ZCWPW2: variants seen among roughly 807,000 people sequenced by gnomAD.
ZCWPW2 encodes the protein zinc finger CW-type PWWP domain protein 2.
In ZCWPW2, 45 loss-of-function variants were observed where a neutral mutation model predicts 46.6. That is an observed-to-expected ratio of 0.96 (90% confidence interval 0.76 to 1.24). ZCWPW2 has a LOEUF of 1.24. ZCWPW2 is among the 50% of genes most tolerant of loss of function. ZCWPW2 has a pLI of 0.00. For missense variants in ZCWPW2, 429 were observed against 403.9 expected (o/e 1.06, Z -0.53); for synonymous variants, 152 against 137.1 (o/e 1.11, Z -0.76).
rs745774628 is a variant in ZCWPW2, at chr3:28,524,501, C to T, written c.910-26C>T. On this transcript the variant is annotated intron_variant, in intron 9 of 9. Coordinates refer to ENST00000383768, the MANE Select transcript of ZCWPW2 (RefSeq NM_001040432.4). The stretch of plus-strand genomic sequence containing the variant: ...TAATCAGGTAAATTTGACATAGTTC[C>T]GATTAATTATATGGTTGTTTTGCAG... The T allele has an allele frequency of 3.4e-5, 54 of 1,593,236 alleles. No homozygotes were observed. The Middle Eastern group carries it at 1.3e-3, about 39-fold the overall frequency.
intron 4 of ZCWPW2, among the ~76,000 whole-genome samples, chr3:28,457,899 T>C (rs1162068739): frequency 6.6e-5 from 10 of 152,230 alleles, no homozygotes; most frequent in Non-Finnish European, 1.3e-4. Flanking sequence ...AAATTTACCA[T>C]CTTAATCATT....
chr3:28,497,325 C>G (rs1175952206), intron 6 of ZCWPW2, among the ~76,000 whole-genome samples: 1 of 151,194 alleles, frequency 6.6e-6, no homozygotes, highest in East Asian at 2.0e-4. Flanking sequence ...ATATGTTACT[C>G]TATAGATTTA....
At position 28,369,257 on chromosome 3, in the gene ZCWPW2, T is replaced by G. The variant is rs953443253; in HGVS notation, c.-134+20054T>G. ...ACTTGATTTTTAGAGTTTCCGGTTTTTCTGCTGTTTTTTCCCCATCTTTGT... is the reference window on the plus strand; with the variant it reads ...ACTTGATTTTTAGAGTTTCCGGTTTGTCTGCTGTTTTTTCCCCATCTTTGT... On this transcript the variant is annotated intron_variant, in intron 1 of 9. Transcript: ENST00000383768. 3.3e-5 allele frequency among the ~76,000 whole-genome samples: 5 copies of G among 152,314 alleles called. No homozygotes were observed. The East Asian group carries it at 9.7e-4, about 29-fold the overall frequency.
At chr3:28,359,673 C>T (rs34617710) in intron 1 of ZCWPW2, among the ~76,000 whole-genome samples, 73,321 of 151,606 alleles carry the variant, frequency 0.48, 18,233 homozygotes, top group Non-Finnish European at 0.53. Flanking sequence ...TTATTCATTG[C>T]TTTTTAGGAG....
intron 3 of ZCWPW2, among the ~76,000 whole-genome samples, chr3:28,425,587 TG>T (rs1696974492): frequency 6.6e-6 from 1 of 152,222 alleles, no homozygotes; most frequent in Non-Finnish European, 1.5e-5. Context: ...AACTCAATCT[TG>T]TCAACATTTC....
At chr3:28,413,898 T>C (rs1696516734) in intron 3 of ZCWPW2, among the ~76,000 whole-genome samples, 1 of 152,132 alleles carries the variant, frequency 6.6e-6, no homozygotes, top group Non-Finnish European at 1.5e-5. Flanking sequence ...TCACAGTCAT[T>C]TGAAAAGCAT....
At chr3:28,514,420 T>G (rs767073413) in intron 7 of ZCWPW2, among the ~76,000 whole-genome samples, 2 of 151,954 alleles carry the variant, frequency 1.3e-5, no homozygotes, top group Non-Finnish European at 2.9e-5. Context: ...AGAAAAAATA[T>G]CAAATGCCAG....
chr3:28,489,149 A>G (rs990807508), intron 5 of ZCWPW2, among the ~76,000 whole-genome samples: 1 of 152,136 alleles, frequency 6.6e-6, no homozygotes, highest in Non-Finnish European at 1.5e-5. Flanking sequence ...AATGAGGTAT[A>G]TTTTGACAGG....
intron 3 of ZCWPW2, among the ~76,000 whole-genome samples, chr3:28,425,713 A>G (rs923005137): frequency 1.3e-5 from 2 of 152,248 alleles, no homozygotes; most frequent in Admixed American, 6.5e-5. Context: ...TGTCAAGAGA[A>G]TAGCACTTTC....
chr3:28,358,506 T>C (rs1269911084), intron 1 of ZCWPW2, among the ~76,000 whole-genome samples: 1 of 152,170 alleles, frequency 6.6e-6, no homozygotes, highest in Non-Finnish European at 1.5e-5. Context: ...CTAACATCAG[T>C]TTGAAAATTA....
intron 5 of ZCWPW2, among the ~76,000 whole-genome samples, chr3:28,483,666 G>C (rs1269534786): frequency 6.6e-6 from 1 of 152,050 alleles, no homozygotes; most frequent in African/African-American, 2.4e-5. Flanking sequence ...TATTTTATCA[G>C]AGTTTGGTAG....
chr3:28,461,166 T>A (rs6800367), intron 4 of ZCWPW2: 4,041 of 160,592 alleles, frequency 0.025, 157 homozygotes, highest in African/African-American at 0.085. Context: ...AAATTGAAGG[T>A]GCTTATATTT....
intron 6 of ZCWPW2, among the ~76,000 whole-genome samples, chr3:28,493,239 G>A (rs1401969751): frequency 7.9e-5 from 11 of 139,276 alleles, no homozygotes; most frequent in Admixed American, 5.9e-4. Flanking sequence ...ATGCTGGTGC[G>A]CTGCAGCCAC....
intron 1 of ZCWPW2, among the ~76,000 whole-genome samples, chr3:28,353,183 C>CAA (rs773765883): frequency 7.7e-6 from 1 of 130,142 alleles, no homozygotes; most frequent in Non-Finnish European, 1.7e-5. Context: ...GACTCCGTCT[C>CAA]AAAAAAAAAA....
rs1700836819 is a variant in ZCWPW2 at position 28,526,000 on chromosome 3, T to C, written c.*1312T>C. ...CATCTCTGTCAGGTTCCAGATCCCA[T>C]GCCATTGATTATCATCTATAATGTC... On this transcript the variant is annotated 3_prime_UTR_variant, in exon 10 of 10. Transcript: ENST00000383768. 6.6e-6 allele frequency among the ~76,000 whole-genome samples: 1 copy of C among 152,132 alleles called. No homozygotes were observed. Among genetic ancestry groups the C allele is most frequent in the Non-Finnish European group, 1.5e-5 (1 of 68,020 alleles).
At chr3:28,370,934 G>A (rs1319712171) in intron 1 of ZCWPW2, among the ~76,000 whole-genome samples, 1 of 152,040 alleles carries the variant, frequency 6.6e-6, no homozygotes, top group African/African-American at 2.4e-5. Context: ...GTTTCTCCAT[G>A]TTGGTCAGGA....
chr3:28,521,813 A>T (rs1700731462), intron 9 of ZCWPW2, among the ~76,000 whole-genome samples: 1 of 152,174 alleles, frequency 6.6e-6, no homozygotes, highest in Non-Finnish European at 1.5e-5. Context: ...TAGGAAAAAA[A>T]ATGGCAGTGA....
intron 4 of ZCWPW2, among the ~76,000 whole-genome samples, chr3:28,447,112 C>G (rs979085035): frequency 3.3e-5 from 5 of 152,098 alleles, no homozygotes; most frequent in African/African-American, 1.2e-4. Flanking sequence ...TCCTTCAAAT[C>G]CTACTTTTCC....
chr3:28,519,001 A>T (rs1187159063), intron 8 of ZCWPW2, among the ~76,000 whole-genome samples: 2 of 152,196 alleles, frequency 1.3e-5, no homozygotes, highest in Admixed American at 6.5e-5. Flanking sequence ...TGACATTGTT[A>T]TATTTTTAAA....
Sources: allele counts gnomAD v4.1 joint callset (sites outside exome capture counted in the v4.1 genomes callset), GRCh38; gene constraint gnomAD v4.1.1; transcripts MANE v1.5; gene names NCBI Gene and HGNC (gene_info 2026-07-23, HGNC 2026-07-21).